SLC43A2: variants seen among roughly 807,000 people sequenced by gnomAD.
The protein encoded by SLC43A2 is large neutral amino acids transporter small subunit 4.
SLC43A2 carries 38 observed loss-of-function variants against 63.2 expected under a neutral mutation model. The ratio of observed to expected loss-of-function variants is 0.60; its 90% CI spans 0.46 to 0.79. The LOEUF (loss-of-function observed/expected upper bound fraction) is 0.79. SLC43A2 is among the 30% of genes least tolerant of loss of function. The pLI is 0.00. For synonymous variants in SLC43A2, 322 were observed against 331.0 expected (o/e 0.97, Z 0.30); for missense variants, 644 against 756.2 (o/e 0.85, Z 1.74).
At chr17:1,622,137 C>T (rs1369269603) in intron 2 of SLC43A2, among the ~76,000 whole-genome samples, 5 of 152,206 alleles carry the variant, frequency 3.3e-5, no homozygotes, top group African/African-American at 1.2e-4. Context: ...TTCTCTGAGA[C>T]GCATCCTGAG....
chr17:1,628,040 G>C, intron 1 of SLC43A2, 120 bp from the exon 2 acceptor site: 2 of 1,050,444 alleles, frequency 1.9e-6, no homozygotes, highest in Non-Finnish European at 2.4e-6. Flanking sequence ...GCGGCGGCCG[G>C]TGCGCGCAGC....
At chr17:1,582,950 G>A (rs753648719) in intron 11 of SLC43A2, among the ~76,000 whole-genome samples, 29 of 152,088 alleles carry the variant, frequency 1.9e-4, no homozygotes, top group Non-Finnish European at 3.2e-4. Flanking sequence ...GTGATGGTGC[G>A]CACCTGTAAT....
Position 1,591,256 on chromosome 17 carries a change from C to T in SLC43A2, c.931+13G>A, listed in dbSNP as rs759452949. On this transcript the variant is annotated intron_variant, in intron 8 of 13. Coordinates refer to ENST00000301335, the MANE Select transcript of SLC43A2 (RefSeq NM_152346.3). ...TCCCTGCCCGTCGCCCGGCTGCGGTCTCAGGCGGGTACCTGCGGCATCCGG... is the reference window on the plus strand; with the variant it reads ...TCCCTGCCCGTCGCCCGGCTGCGGTTTCAGGCGGGTACCTGCGGCATCCGG... 1.2e-6 allele frequency: 2 copies of T among 1,601,286 alleles called. No homozygotes were observed. Among genetic ancestry groups the T allele is most frequent in the Middle Eastern group, 1.8e-4 (1 of 5,638 alleles).
intron 9 of SLC43A2, among the ~76,000 whole-genome samples, chr17:1,587,531 G>A (rs1048620133): frequency 6.6e-6 from 1 of 152,200 alleles, no homozygotes; most frequent in Non-Finnish European, 1.5e-5. Flanking sequence ...CTTGGGCCAT[G>A]GCCCCCCTGC....
chr17:1,581,241 C>T (rs2076009247), intron 11 of SLC43A2, among the ~76,000 whole-genome samples: 2 of 151,380 alleles, frequency 1.3e-5, no homozygotes, highest in Admixed American at 6.6e-5. Context: ...GCAGGCCTCC[C>T]CACCTCAAAT....
chr17:1,600,339 C>G (rs1481859744), intron 5 of SLC43A2, among the ~76,000 whole-genome samples: 1 of 146,380 alleles, frequency 6.8e-6, no homozygotes, highest in African/African-American at 2.5e-5. Flanking sequence ...TTAGTAGAGA[C>G]GGGGTTTAGC....
At chr17:1,627,654 C>CCCCCCCCCACCCCAAA in intron 2 of SLC43A2, 61 bp downstream of exon 2, 2 of 346,670 alleles carry the variant, frequency 5.8e-6, no homozygotes, top group Non-Finnish European at 1.1e-5. Flanking sequence ...TCGCCCCCAT[C>CCCCCCCCCACCCCAAA]CCGCCCCCTC....
chr17:1,587,442 T>C (rs1436634273), intron 9 of SLC43A2, among the ~76,000 whole-genome samples: 1 of 152,214 alleles, frequency 6.6e-6, no homozygotes, highest in Non-Finnish European at 1.5e-5. Context: ...TCTGACACCA[T>C]GGGTCTCCTC....
intron 9 of SLC43A2, 55 bp downstream of exon 9, chr17:1,590,747 T>C: frequency 6.5e-7 from 1 of 1,544,520 alleles, no homozygotes. Flanking sequence ...CGGTGGCCAG[T>C]GGGCTGGGCT....
At chr17:1,597,749 A>C (rs1905450147) in intron 5 of SLC43A2, among the ~76,000 whole-genome samples, 1 of 152,140 alleles carries the variant, frequency 6.6e-6, no homozygotes, top group Non-Finnish European at 1.5e-5. Flanking sequence ...CAGTGAGTCA[A>C]GATATCGCCA....
intron 10 of SLC43A2, chr17:1,585,354 G>T: frequency 1.9e-6 from 1 of 535,488 alleles, no homozygotes; most frequent in Non-Finnish European, 2.5e-6. Context: ...CAATTCTCGC[G>T]CCTCAGCCTC....
chr17:1,615,797 C>T (rs1259259767), intron 3 of SLC43A2, among the ~76,000 whole-genome samples: 2 of 147,420 alleles, frequency 1.4e-5, no homozygotes, highest in South Asian at 2.2e-4. Context: ...GAGCCGAGAT[C>T]GCGCCGCTGC....
At chr17:1,621,430 C>T (rs1027068738) in intron 2 of SLC43A2, among the ~76,000 whole-genome samples, 13 of 152,188 alleles carry the variant, frequency 8.5e-5, no homozygotes, top group African/African-American at 1.2e-4. Flanking sequence ...CAGGATCTCC[C>T]GTCTCTCAAA....
Position 1,583,422 on chromosome 17 carries a change from G to T in SLC43A2, c.1218-86C>A. On this transcript the variant is annotated intron_variant, in intron 10 of 13. Coordinates refer to ENST00000301335, the MANE Select transcript of SLC43A2 (RefSeq NM_152346.3). The surrounding 1 kb of genome is among the most constrained non-coding windows in gnomAD (Gnocchi z 5.5). Reference sequence around the variant, plus strand: ...GAGAAGTCAGGCCTCAAGCGTCGCAGCAGGTAAACTGACGCAAGACTCAGA... The same window carrying T: ...GAGAAGTCAGGCCTCAAGCGTCGCATCAGGTAAACTGACGCAAGACTCAGA... The T allele has an allele frequency of 6.3e-7, 1 of 1,578,264 alleles. No individual in the cohort carries two copies. The highest frequency in any genetic ancestry group is 8.6e-7 in the Non-Finnish European group (1 of 1,160,540).
chr17:1,595,167 G>A (rs916723346), intron 5 of SLC43A2, among the ~76,000 whole-genome samples: 4 of 151,956 alleles, frequency 2.6e-5, no homozygotes, highest in Non-Finnish European at 5.9e-5. Flanking sequence ...TATAATCCCA[G>A]CTACTTGGGA....
At chr17:1,615,114 T>A (rs1907476119) in intron 3 of SLC43A2, 80 bp from the exon 4 acceptor site, 7 of 1,546,586 alleles carry the variant, frequency 4.5e-6, no homozygotes, top group African/African-American at 1.4e-5. Flanking sequence ...TTTTTGGTTT[T>A]TGGTTTTTCT....
At position 1,591,396 on chromosome 17, in the gene SLC43A2, C is replaced by T. The variant is rs550681365; in HGVS notation, c.804G>A (p.Thr268=). The change falls in exon 8 of 14, where the codon ACG becomes ACA. Residue 268 remains threonine, a synonymous_variant. Coordinates refer to ENST00000301335, the MANE Select transcript of SLC43A2 (RefSeq NM_152346.3). ...TGKQFYKQVT[T]VGRRLSVGSS... Reference sequence around the variant, plus strand: ...TGCCCACACTCAGGCGCCGGCCCACCGTGGTCACCTGCTTGTAGAACTGCT... The same window carrying T: ...TGCCCACACTCAGGCGCCGGCCCACTGTGGTCACCTGCTTGTAGAACTGCT... 40 of 1,612,970 alleles carry T rather than the reference C, an allele frequency of 2.5e-5. No individual in the cohort carries two copies. Among genetic ancestry groups the T allele is most frequent in the South Asian group, 6.6e-5 (6 of 91,082 alleles).
chr17:1,605,322 T>G lies in SLC43A2; in HGVS notation c.501+7873A>C. On this transcript the variant is annotated intron_variant, in intron 5 of 13. Coordinates refer to ENST00000301335, the MANE Select transcript of SLC43A2 (RefSeq NM_152346.3). This position sits in a 1 kb window ranked among gnomAD's most constrained non-coding sequence, Gnocchi z 4.9. Reference sequence around the variant, plus strand: ...GAAAACAGCAGCTGCAGGCGGCCCCTCCCCTGGCATTCTGGCCATAGAGCA... The same window carrying G: ...GAAAACAGCAGCTGCAGGCGGCCCCGCCCCTGGCATTCTGGCCATAGAGCA... The G allele has an allele frequency of 1.3e-6, 1 of 758,002 alleles. No homozygotes were observed. Among genetic ancestry groups the G allele is most frequent in the Non-Finnish European group, 1.6e-6 (1 of 611,268 alleles). The allele number at this position is 758,002 out of a possible 1,614,324, so 47.0% of individuals were successfully genotyped here. A position where few individuals can be genotyped will look rare whatever the true frequency, so the allele number is the denominator to read the frequency against.
At chr17:1,621,436 T>G (rs1473928665) in intron 2 of SLC43A2, among the ~76,000 whole-genome samples, 1 of 152,104 alleles carries the variant, frequency 6.6e-6, no homozygotes, top group African/African-American at 2.4e-5. Flanking sequence ...CTCCCGTCTC[T>G]CAAATCCTTA....
Sources: allele counts gnomAD v4.1 joint callset (sites outside exome capture counted in the v4.1 genomes callset), GRCh38; gene constraint gnomAD v4.1.1; non-coding constraint Gnocchi (gnomAD v3.1); transcripts MANE v1.5; gene names NCBI Gene and HGNC (gene_info 2026-07-23, HGNC 2026-07-21).